The following GRM1 variants were observed in gnomAD, a reference collection of about 807,000 sequenced individuals.
GRM1 encodes metabotropic glutamate receptor 1.
GRM1 carries 33 observed loss-of-function variants against 90.9 expected under a neutral mutation model. The observed-to-expected ratio is 0.36, with a 90% confidence interval of 0.28 to 0.49. The LOEUF is 0.49. GRM1 is among the 20% of genes least tolerant of loss of function. GRM1 has a pLI of 0.99. For missense variants in GRM1, 1,190 were observed against 1,534.3 expected, an observed-to-expected ratio of 0.78 and a Z score of 3.75; for synonymous variants, 700 against 613.2, an observed-to-expected ratio of 1.14 and a Z score of -2.09.
chr6:146,320,935 AT>A (rs964027578), intron 3 of GRM1, among the ~76,000 whole-genome samples: 39 of 147,746 alleles, frequency 2.6e-4, no homozygotes, highest in Admixed American at 9.5e-4. Flanking sequence ...GAATTCACTG[AT>A]TTTTTTTTTA....
At position 146,437,000 on chromosome 6, in the gene GRM1, A is replaced by C. The variant is rs933864601; in HGVS notation, c.*2204A>C. ...CATTTCCTTTAAAAATTATTTTAAA[A>C]CACCTTTATTGAAAAGATCTCATGA... On this transcript the variant is annotated 3_prime_UTR_variant, in exon 8 of 8. Transcript: ENST00000282753. 1.3e-5 allele frequency: 2 copies of C among 152,546 alleles called. No individual in the cohort carries two copies. The highest frequency in any genetic ancestry group is 1.3e-4 in the Admixed American group (2 of 15,286). 9.4% of individuals were successfully genotyped at this position (152,546 alleles called of 1,614,324 possible). A position where few individuals can be genotyped will look rare whatever the true frequency, so the allele number is the denominator to read the frequency against.
intron 2 of GRM1, among the ~76,000 whole-genome samples, chr6:146,212,930 G>A (rs971364364): frequency 6.6e-5 from 10 of 151,940 alleles, no homozygotes; most frequent in Non-Finnish European, 1.0e-4. Flanking sequence ...AACGTTTATC[G>A]AGTTTCTACT....
At chr6:146,392,237 C>T (rs1459092232) in intron 6 of GRM1, among the ~76,000 whole-genome samples, 1 of 152,104 alleles carries the variant, frequency 6.6e-6, no homozygotes, top group African/African-American at 2.4e-5. Context: ...GAAACTTCTG[C>T]CCTAGCTAAC....
intron 1 of GRM1, among the ~76,000 whole-genome samples, chr6:146,135,961 CT>C (rs1256400686): frequency 6.6e-6 from 1 of 152,134 alleles, no homozygotes; most frequent in Non-Finnish European, 1.5e-5. Context: ...GGGAACCATC[CT>C]TCTACTCACT....
At chr6:146,377,742 C>G (rs1052171283) in intron 5 of GRM1, among the ~76,000 whole-genome samples, 1 of 152,104 alleles carries the variant, frequency 6.6e-6, no homozygotes, top group Non-Finnish European at 1.5e-5. Context: ...GGCAGCCCCT[C>G]CCATCACAGG....
At chr6:146,270,912 TCTTCCTTCCTTCCTTCCTTC>T (rs35931210) in intron 2 of GRM1, among the ~76,000 whole-genome samples, 5 of 86,814 alleles carry the variant, frequency 5.8e-5, no homozygotes, top group Non-Finnish European at 9.0e-5. Flanking sequence ...TTTCTTTCTT[TCTTCCTTCCTTCCTTCCTTC>T]CTTCCTTCCT....
intron 2 of GRM1, among the ~76,000 whole-genome samples, chr6:146,249,172 A>T (rs139288271): frequency 1.4e-3 from 209 of 152,344 alleles, no homozygotes; most frequent in African/African-American, 4.7e-3. Context: ...GGTAGAAAAT[A>T]AAACCCCATT....
At chr6:146,427,190 A>AAGTACACTTT (rs1421354745) in intron 7 of GRM1, among the ~76,000 whole-genome samples, 1 of 152,114 alleles carries the variant, frequency 6.6e-6, no homozygotes, top group African/African-American at 2.4e-5. Flanking sequence ...GTCCCACAAA[A>AAGTACACTTT]AGTACACTTT....
At chr6:146,168,353 A>G (rs116762914) in intron 2 of GRM1, among the ~76,000 whole-genome samples, 2,376 of 152,076 alleles carry the variant, frequency 0.016, 66 homozygotes, top group African/African-American at 0.053. Flanking sequence ...CATATGATAT[A>G]AGAAGTTTAT....
At chr6:146,394,019 T>C (rs940216750) in intron 6 of GRM1, among the ~76,000 whole-genome samples, 2 of 152,106 alleles carry the variant, frequency 1.3e-5, no homozygotes, top group African/African-American at 2.4e-5. Flanking sequence ...GGGGAAAGGA[T>C]TCTCTATTTA....
chr6:146,424,512 G>A (rs964493341), intron 7 of GRM1, among the ~76,000 whole-genome samples: 11 of 152,218 alleles, frequency 7.2e-5, no homozygotes, highest in South Asian at 2.1e-4. Flanking sequence ...ATCTCCCAGC[G>A]CATGCTCTAT....
At chr6:146,297,474 A>AT (rs1024273287) in intron 2 of GRM1, among the ~76,000 whole-genome samples, 2 of 151,714 alleles carry the variant, frequency 1.3e-5, no homozygotes, top group East Asian at 1.9e-4. Context: ...AGTCCAAACA[A>AT]TTTTTTTTTA....
In GRM1 at chr6:146,260,043, A is replaced by T. The variant is rs374980722; in HGVS notation, c.951-44568A>T. Among the ~76,000 whole-genome samples the T allele has an allele frequency of 3.2e-4, 48 of 151,338 alleles. 1 individual carries two copies. In the South Asian group the frequency reaches 9.4e-3, roughly 30 times the overall value. ...TTTTTATTATACTTTAAGTTCTAGG[A>T]TACATGTGCAGAACGTGCAGGTTTG... On this transcript the variant is annotated intron_variant, in intron 2 of 7. Coordinates refer to ENST00000282753, the MANE Select transcript of GRM1 (RefSeq NM_001278064.2).
chr6:146,109,106 A>T (rs1248575032), intron 1 of GRM1, among the ~76,000 whole-genome samples: 3 of 152,196 alleles, frequency 2.0e-5, no homozygotes, highest in African/African-American at 7.2e-5. Context: ...CTGAGGAGAA[A>T]TTCAAGCCAG....
intron 2 of GRM1, among the ~76,000 whole-genome samples, chr6:146,279,742 A>AT (rs966533820): frequency 3.3e-5 from 5 of 152,104 alleles, no homozygotes; most frequent in East Asian, 1.9e-4. Context: ...TAAAAACACC[A>AT]TTTTTTTGCC....
At chr6:146,357,352 A>G (rs1415249248) in intron 4 of GRM1, among the ~76,000 whole-genome samples, 174 bp from the exon 5 acceptor site, 2 of 152,244 alleles carry the variant, frequency 1.3e-5, no homozygotes, top group Admixed American at 6.5e-5. Flanking sequence ...AGAATGGAAT[A>G]TACACATTTG....
intron 2 of GRM1, among the ~76,000 whole-genome samples, chr6:146,209,410 T>A (rs1779605017): frequency 6.6e-6 from 1 of 152,168 alleles, no homozygotes; most frequent in Non-Finnish European, 1.5e-5. Flanking sequence ...ATTTGCCAAC[T>A]TTTTCCATTC....
chr6:146,392,708 C>G (rs1037506635), intron 6 of GRM1, among the ~76,000 whole-genome samples: 3 of 152,250 alleles, frequency 2.0e-5, no homozygotes, highest in East Asian at 3.9e-4. Context: ...CTGACAGTCT[C>G]TGGCGTATGA....
intron 2 of GRM1, among the ~76,000 whole-genome samples, chr6:146,180,225 T>C (rs1455809626): frequency 7.2e-6 from 1 of 138,952 alleles, no homozygotes; most frequent in African/African-American, 2.5e-5. Flanking sequence ...ACTTTAAGTT[T>C]ATTTTATGCA....
Sources: allele counts gnomAD v4.1 joint callset (sites outside exome capture counted in the v4.1 genomes callset), GRCh38; gene constraint gnomAD v4.1.1; transcripts MANE v1.5; gene names NCBI Gene and HGNC (gene_info 2026-07-23, HGNC 2026-07-21).